Variants in RNF17 observed in about 807,000 individuals in gnomAD.
The protein encoded by RNF17 is spermatogenesis associated 23.
Under a neutral mutation model 200.5 loss-of-function variants are expected in RNF17, and 31 were observed. The ratio of observed to expected loss-of-function variants is 0.15; its 90% CI spans 0.12 to 0.21. The LOEUF (loss-of-function observed/expected upper bound fraction) is 0.21. RNF17 is among the 10% of genes least tolerant of loss of function. The probability of loss-of-function intolerance (pLI) is 1.00; values close to 1 mark genes in which losing one functional copy is unlikely to be tolerated. For synonymous variants in RNF17, 606 were observed against 637.8 expected (o/e 0.95, Z 0.75); for missense variants, 1,628 against 1,905.1 (o/e 0.85, Z 2.71).
intron 18 of RNF17, among the ~76,000 whole-genome samples, 182 bp from the exon 19 acceptor site, chr13:24,841,859 G>A (rs147984600): frequency 0.01 from 1,522 of 152,120 alleles, 35 homozygotes; most frequent in African/African-American, 0.034. Context: ...CCAGCTACTC[G>A]GGAGGCTCAG....
chr13:24,831,785 T>C, intron 17 of RNF17, 73 bp from the exon 18 acceptor site: 1 of 1,321,350 alleles, frequency 7.6e-7, no homozygotes, highest in South Asian at 1.3e-5. Flanking sequence ...TTGTACACAC[T>C]TAATAAAACT....
intron 22 of RNF17, 65 bp from the exon 23 acceptor site, chr13:24,850,276 T>G: frequency 9.7e-7 from 1 of 1,025,726 alleles, no homozygotes; most frequent in Non-Finnish European, 1.5e-6. Flanking sequence ...AATATAGTGT[T>G]TTTTGTATAT....
At chr13:24,877,976 T>A (rs180982855) in intron 34 of RNF17, among the ~76,000 whole-genome samples, 14 of 152,338 alleles carry the variant, frequency 9.2e-5, no homozygotes, top group Non-Finnish European at 1.2e-4. Flanking sequence ...TGGCCCTGAT[T>A]AGATATTCTA....
intron 18 of RNF17, among the ~76,000 whole-genome samples, chr13:24,834,583 G>A (rs958262484): frequency 6.6e-6 from 1 of 152,168 alleles, no homozygotes; most frequent in African/African-American, 2.4e-5. Flanking sequence ...GAAGCTGAAG[G>A]TCTGTTTGTG....
At chr13:24,885,460 A>G in the RNF17 span, 1 of 1,210,716 alleles carries the variant, frequency 8.3e-7, no homozygotes, top group South Asian at 1.2e-5. Flanking sequence ...ATAGGGTTCT[A>G]GGACTAGTGT....
rs539645325 is a variant in RNF17, at chr13:24,870,696, TAAG to T, written c.4408_4410del (p.Lys1470del). ...TTGATGAAGCACTGCAGAGGGTTAATAAGAAGGTAGAGGCGCTTCCTCCTCTGA... is the reference window on the plus strand; with the variant it reads ...TTGATGAAGCACTGCAGAGGGTTAATAAGGTAGAGGCGCTTCCTCCTCTGA... On this transcript the variant is annotated inframe_deletion, in exon 32 of 36. Coordinates refer to ENST00000255324, the MANE Select transcript of RNF17 (RefSeq NM_031277.3). 68 of 1,614,184 alleles carry T rather than the reference TAAG, an allele frequency of 4.2e-5. 3 individuals are homozygous for T. The African/African-American group carries it at 6.8e-4, about 16-fold the overall frequency.
intron 15 of RNF17, among the ~76,000 whole-genome samples, chr13:24,820,575 A>G (rs1195505006): frequency 2.0e-5 from 3 of 151,692 alleles, no homozygotes; most frequent in Non-Finnish European, 1.5e-5. Flanking sequence ...AGCTGGGACT[A>G]CAGGTGCCCA....
intron 32 of RNF17, among the ~76,000 whole-genome samples, chr13:24,871,476 T>TA (rs1186313205): frequency 1.3e-5 from 2 of 152,070 alleles, no homozygotes; most frequent in Non-Finnish European, 2.9e-5. Flanking sequence ...TAGTTGGGAT[T>TA]ACAGGTGCGT....
chr13:24,805,850 T>C (rs1042711123), intron 15 of RNF17, among the ~76,000 whole-genome samples: 2 of 152,154 alleles, frequency 1.3e-5, no homozygotes, highest in African/African-American at 4.8e-5. Flanking sequence ...CTCCACACCC[T>C]CATGAACACT....
intron 15 of RNF17, among the ~76,000 whole-genome samples, chr13:24,819,099 T>TTAACAC (rs1887740504): frequency 2.0e-5 from 3 of 152,184 alleles, no homozygotes; most frequent in Admixed American, 2.0e-4. Flanking sequence ...TTCAGTAGTG[T>TTAACAC]TAACCATATT....
chr13:24,881,524 T>C (rs904576812), downstream of RNF17, among the ~76,000 whole-genome samples: 5 of 151,948 alleles, frequency 3.3e-5, no homozygotes, highest in Admixed American at 1.3e-4. Flanking sequence ...GAATATATCA[T>C]CTATGTATCT....
intron 24 of RNF17, among the ~76,000 whole-genome samples, chr13:24,853,494 T>C (rs907752044): frequency 6.6e-6 from 1 of 152,178 alleles, no homozygotes; most frequent in African/African-American, 2.4e-5. Context: ...TTTTGGATGC[T>C]AATAGCTTGC....
chr13:24,818,003 A>G (rs997672671), intron 15 of RNF17, among the ~76,000 whole-genome samples: 1 of 151,942 alleles, frequency 6.6e-6, no homozygotes, highest in Non-Finnish European at 1.5e-5. Flanking sequence ...TTAATTTGCA[A>G]TATTTTAAAA....
At chr13:24,748,436 TGTTCAA>T in the RNF17 span, among the ~76,000 whole-genome samples, 1 of 152,242 alleles carries the variant, frequency 6.6e-6, no homozygotes, top group Non-Finnish European at 1.5e-5. Context: ...GGCAGAAGCT[TGTTCAA>T]GTTCAATAGT....
intron 15 of RNF17, among the ~76,000 whole-genome samples, chr13:24,815,789 AT>A (rs1014975052): frequency 1.3e-5 from 2 of 151,930 alleles, no homozygotes; most frequent in African/African-American, 2.4e-5. Context: ...AGGGTGTTCA[AT>A]TTTTCAAATT....
At chr13:24,768,500 G>A (rs934070719) in intron 2 of RNF17, among the ~76,000 whole-genome samples, 2 of 151,996 alleles carry the variant, frequency 1.3e-5, no homozygotes, top group African/African-American at 2.4e-5. Flanking sequence ...TAGCCAGGAT[G>A]GTCTCGATCT....
intron 13 of RNF17, among the ~76,000 whole-genome samples, chr13:24,802,077 C>T (rs1172440050): frequency 1.3e-5 from 2 of 152,160 alleles, no homozygotes; most frequent in South Asian, 4.2e-4. Context: ...ACCTCTGCCT[C>T]CCGGGTTCAA....
At chr13:24,844,880 T>C in intron 21 of RNF17, 78 bp downstream of exon 21, 1 of 1,563,474 alleles carries the variant, frequency 6.4e-7, no homozygotes, top group Non-Finnish European at 8.8e-7. Flanking sequence ...GTTAAAACAG[T>C]TTTCATTGAG....
At chr13:24,852,908 C>CATTG (rs3039519) in intron 24 of RNF17, among the ~76,000 whole-genome samples, 31,072 of 151,554 alleles carry the variant, frequency 0.21, 3,563 homozygotes, top group South Asian at 0.32. Flanking sequence ...GCTTTATTTC[C>CATTG]ATTGATTGAT....
Sources: gnomAD v4.1 joint callset for allele counts (sites outside exome capture counted in the v4.1 genomes callset) on GRCh38, gnomAD v4.1.1 for gene constraint, MANE v1.5 for transcripts, NCBI Gene and HGNC (gene_info 2026-07-23, HGNC 2026-07-21) for gene names.